The following ARHGEF37 variants were observed in gnomAD, a reference collection of about 807,000 sequenced individuals.
ARHGEF37 encodes the protein Rho guanine nucleotide exchange factor 37, also known as Rho guanine nucleotide exchange factor (GEF) 37.
In ARHGEF37, 55 loss-of-function variants were observed where a neutral mutation model predicts 71.1. That is an observed-to-expected ratio of 0.77 (90% CI 0.62 to 0.97). ARHGEF37 has a LOEUF of 0.97. Among genes scored for constraint, ARHGEF37 ranks in the 50% least tolerant of loss-of-function variants. ARHGEF37 has a pLI of 0.00. For synonymous variants in ARHGEF37, 327 were observed against 350.6 expected (o/e 0.93, Z 0.75); for missense variants, 765 against 836.8 (o/e 0.91, Z 1.06).
At chr5:149,598,424 C>CCTTCTCCTT (rs922427645) in intron 2 of ARHGEF37, among the ~76,000 whole-genome samples, 3 of 145,894 alleles carry the variant, frequency 2.1e-5, no homozygotes, top group Non-Finnish European at 3.0e-5. Flanking sequence ...TCCTTCTTCT[C>CCTTCTCCTT]CTTCTCCTTC....
At chr5:149,560,631 T>C (rs967877139) in intron 1 of ARHGEF37, among the ~76,000 whole-genome samples, 5 of 152,290 alleles carry the variant, frequency 3.3e-5, no homozygotes, top group South Asian at 2.1e-4. Context: ...TTTAAAAATA[T>C]TGTGCTATTG....
chr5:149,555,918 G>A (rs1238994722), intron 1 of ARHGEF37, among the ~76,000 whole-genome samples: 1 of 151,888 alleles, frequency 6.6e-6, no homozygotes, highest in Admixed American at 6.6e-5. Flanking sequence ...GAGGCCAGGA[G>A]TTCAAGACCA....
chr5:149,595,610 T>A (rs1763522961), intron 1 of ARHGEF37, among the ~76,000 whole-genome samples: 1 of 152,194 alleles, frequency 6.6e-6, no homozygotes, highest in Non-Finnish European at 1.5e-5. Context: ...CTACTCCTGC[T>A]CTTGTTGTTT....
At chr5:149,604,247 C>T (rs1446900212) in intron 3 of ARHGEF37, among the ~76,000 whole-genome samples, 1 of 152,196 alleles carries the variant, frequency 6.6e-6, no homozygotes, top group Admixed American at 6.5e-5. Flanking sequence ...GCCCTCACTG[C>T]TTCACTGTAG....
intron 1 of ARHGEF37, among the ~76,000 whole-genome samples, chr5:149,585,707 C>A (rs957414700): frequency 6.6e-6 from 1 of 152,080 alleles, no homozygotes; most frequent in African/African-American, 2.4e-5. Flanking sequence ...TTAGTAGAGA[C>A]AGGATTTCAT....
At chr5:149,562,471 C>T (rs941289593) in intron 1 of ARHGEF37, among the ~76,000 whole-genome samples, 7 of 151,900 alleles carry the variant, frequency 4.6e-5, no homozygotes, top group Admixed American at 1.3e-4. Flanking sequence ...ATTTTTGAGA[C>T]GGAGTCTCGC....
chr5:149,613,240 A>G (rs1752252795), intron 4 of ARHGEF37, among the ~76,000 whole-genome samples: 1 of 152,260 alleles, frequency 6.6e-6, no homozygotes, highest in Non-Finnish European at 1.5e-5. Context: ...TAAAGTAAAA[A>G]GTAAAAATCC....
chr5:149,630,326 G>A (rs974671774), intron 12 of ARHGEF37, among the ~76,000 whole-genome samples: 7 of 152,160 alleles, frequency 4.6e-5, no homozygotes, highest in African/African-American at 1.7e-4. Flanking sequence ...TGCATGTATT[G>A]TGAACCTCCC....
At chr5:149,580,138 G>A (rs909614546), upstream of ARHGEF37, among the ~76,000 whole-genome samples, 5 of 151,910 alleles carry the variant, frequency 3.3e-5, no homozygotes, top group African/African-American at 1.2e-4. Flanking sequence ...TCAGCTCACT[G>A]CAACCTCCGC....
At position 149,627,105 on chromosome 5, in the gene ARHGEF37, G is replaced by A. The variant is rs1240441242; in HGVS notation, c.1494G>A (p.Val498=). The A allele has an allele frequency of 6.2e-7, 1 of 1,613,884 alleles. No homozygotes were observed. Among genetic ancestry groups the A allele is most frequent in the Non-Finnish European group, 8.5e-7 (1 of 1,179,876 alleles). ...TCCTTCCAGGGTCTGAACGCCAGGT[G>A]CAGGCTCTCCTGAGCAGGTATGGCC... ...QPLLPGSERQ[V]QALLSRYGPG... The change falls in exon 11 of 13, where the codon GTG becomes GTA. Residue 498 remains valine (V), a synonymous_variant. Transcript: ENST00000333677.
intron 1 of ARHGEF37, among the ~76,000 whole-genome samples, chr5:149,591,854 T>G (rs1316326298): frequency 1.3e-5 from 2 of 152,222 alleles, no homozygotes; most frequent in African/African-American, 4.8e-5. Context: ...TAAGCATGTT[T>G]GAAGTAATCT....
chr5:149,576,929 C>G (rs552534800), upstream of ARHGEF37, among the ~76,000 whole-genome samples: 1 of 149,878 alleles, frequency 6.7e-6, no homozygotes, highest in Non-Finnish European at 1.5e-5. Flanking sequence ...GCACTCCAGA[C>G]TGGGCAACAG....
intron 1 of ARHGEF37, among the ~76,000 whole-genome samples, chr5:149,569,875 C>T (rs1460715773): frequency 6.6e-6 from 1 of 152,170 alleles, no homozygotes; most frequent in Non-Finnish European, 1.5e-5. Flanking sequence ...CCCGCCTCGA[C>T]CTCCCAAAGT....
intron 10 of ARHGEF37, 98 bp from the exon 11 acceptor site, chr5:149,626,978 C>A: frequency 2.3e-6 from 3 of 1,320,500 alleles, no homozygotes; most frequent in Non-Finnish European, 3.2e-6. Context: ...TAGGATCAGG[C>A]CCAGTACTCC....
At chr5:149,576,201 T>A (rs1580886508) in intron 1 of ARHGEF37, among the ~76,000 whole-genome samples, 3 of 152,226 alleles carry the variant, frequency 2.0e-5, no homozygotes, top group Non-Finnish European at 2.9e-5. Flanking sequence ...GCCAACATCA[T>A]GCCATTGCAC....
chr5:149,584,382 ATGTC>A (rs1366272302), intron 1 of ARHGEF37, among the ~76,000 whole-genome samples: 1 of 152,014 alleles, frequency 6.6e-6, no homozygotes, highest in East Asian at 1.9e-4. Context: ...GAGAATGTGT[ATGTC>A]TGTCTGCGTA....
intron 12 of ARHGEF37, among the ~76,000 whole-genome samples, chr5:149,629,590 G>A (rs941586962): frequency 2.6e-5 from 4 of 152,286 alleles, no homozygotes; most frequent in South Asian, 2.1e-4. Context: ...ATGAGGAACC[G>A]AATGAAGCCA....
At chr5:149,553,872 C>T (rs907237901) in intron 1 of ARHGEF37, among the ~76,000 whole-genome samples, 2 of 152,022 alleles carry the variant, frequency 1.3e-5, no homozygotes, top group Non-Finnish European at 2.9e-5. Flanking sequence ...TATTCTTGCT[C>T]GGTTAAAAGT....
At chr5:149,563,914 A>AT (rs1401867129) in intron 1 of ARHGEF37, among the ~76,000 whole-genome samples, 2 of 136,566 alleles carry the variant, frequency 1.5e-5, no homozygotes, top group Non-Finnish European at 3.2e-5. Flanking sequence ...ACACTGATTG[A>AT]TTTTCCCACG....
Sources: allele counts gnomAD v4.1 joint callset (sites outside exome capture counted in the v4.1 genomes callset), GRCh38; gene constraint gnomAD v4.1.1; transcripts MANE v1.5; gene names NCBI Gene and HGNC (gene_info 2026-07-23, HGNC 2026-07-21).